The following PAK5 variants were observed in gnomAD, a reference collection of about 807,000 sequenced individuals.
PAK5 encodes the protein p21 (RAC1) activated kinase 5.
In PAK5, 16 loss-of-function variants were observed where a neutral mutation model predicts 65.9. That is an observed-to-expected ratio of 0.24 (90% CI 0.16 to 0.37). The LOEUF is 0.37. PAK5 is among the 10% of genes least tolerant of loss of function. The pLI, the probability that PAK5 is intolerant of heterozygous loss-of-function variation, is 1.00. For synonymous variants in PAK5, 371 were observed against 354.9 expected (o/e 1.05, Z -0.51); for missense variants, 785 against 903.9 (o/e 0.87, Z 1.69).
At chr20:9,706,471 C>CTTTTTTTTTT (rs34420250) in intron 2 of PAK5, among the ~76,000 whole-genome samples, 1 of 125,412 alleles carries the variant, frequency 8.0e-6, no homozygotes, top group Non-Finnish European at 1.7e-5. Context: ...TCTACAAACT[C>CTTTTTTTTTT]TTTTTTTTTT....
intron 4 of PAK5, among the ~76,000 whole-genome samples, chr20:9,567,306 T>C (rs2045699221): frequency 6.6e-6 from 1 of 152,170 alleles, no homozygotes; most frequent in Non-Finnish European, 1.5e-5. Flanking sequence ...CTTAATGCAG[T>C]GCCCCAGAAA....
intron 2 of PAK5, among the ~76,000 whole-genome samples, chr20:9,671,400 C>A (rs1409908430): frequency 6.6e-6 from 1 of 152,078 alleles, no homozygotes; most frequent in East Asian, 1.9e-4. Context: ...TTCTTCCTAC[C>A]CATGAGCATA....
intron 3 of PAK5, among the ~76,000 whole-genome samples, chr20:9,642,116 C>T (rs936068168): frequency 1.3e-5 from 2 of 152,212 alleles, no homozygotes; most frequent in African/African-American, 2.4e-5. Context: ...CGAGAGCAAG[C>T]GAGGGCTCTG....
At chr20:9,708,979 C>A (rs1412202047) in intron 2 of PAK5, among the ~76,000 whole-genome samples, 3 of 152,102 alleles carry the variant, frequency 2.0e-5, no homozygotes, top group Non-Finnish European at 4.4e-5. Flanking sequence ...CTGGCATCAC[C>A]TCTGAATAAA....
intron 7 of PAK5, among the ~76,000 whole-genome samples, chr20:9,546,126 C>G (rs970003): frequency 0.18 from 27,894 of 152,004 alleles, 3,292 homozygotes; most frequent in African/African-American, 0.33. Context: ...GACAAGATTC[C>G]CCCTGCCACA....
intron 1 of PAK5, among the ~76,000 whole-genome samples, chr20:9,780,051 C>T (rs2048926117): frequency 6.6e-6 from 1 of 152,094 alleles, no homozygotes; most frequent in Admixed American, 6.6e-5. Context: ...AAGCTATTGA[C>T]ATCACCAGAC....
chr20:9,689,975 T>A (rs1024899778), intron 2 of PAK5, among the ~76,000 whole-genome samples: 2 of 152,148 alleles, frequency 1.3e-5, no homozygotes, highest in African/African-American at 2.4e-5. Context: ...GATCAGTTCT[T>A]CTTTGAGGAT....
intron 2 of PAK5, among the ~76,000 whole-genome samples, chr20:9,706,796 C>T (rs1203906780): frequency 1.3e-5 from 2 of 151,994 alleles, no homozygotes; most frequent in South Asian, 4.1e-4. Context: ...GTGTCAGTCA[C>T]CAAGCCCAAC....
intron 1 of PAK5, among the ~76,000 whole-genome samples, chr20:9,767,563 T>C (rs1424866013): frequency 2.0e-5 from 3 of 152,226 alleles, no homozygotes; most frequent in Non-Finnish European, 4.4e-5. Flanking sequence ...GTGGCCTCTC[T>C]AGTATCTAAA....
chr20:9,639,860 T>C (rs985385022), intron 3 of PAK5, among the ~76,000 whole-genome samples: 1 of 152,192 alleles, frequency 6.6e-6, no homozygotes. Flanking sequence ...GGTAGAAGGT[T>C]CTGCTAAGTC....
At chr20:9,780,977 C>T (rs1195972691) in intron 1 of PAK5, among the ~76,000 whole-genome samples, 2 of 152,070 alleles carry the variant, frequency 1.3e-5, no homozygotes, top group Non-Finnish European at 2.9e-5. Flanking sequence ...GATTGAATGT[C>T]TCTTTATTTC....
chr20:9,540,579 T>C (rs1201970939), intron 9 of PAK5, among the ~76,000 whole-genome samples: 1 of 152,200 alleles, frequency 6.6e-6, no homozygotes, highest in African/African-American at 2.4e-5. Context: ...GTATTCACTG[T>C]CCAATTATAC....
At chr20:9,753,186 G>A (rs1422567679) in intron 1 of PAK5, among the ~76,000 whole-genome samples, 6 of 152,094 alleles carry the variant, frequency 3.9e-5, no homozygotes, top group Non-Finnish European at 8.8e-5. Context: ...ATAAATGCTT[G>A]TTCTAAATTG....
chr20:9,740,345 G>A (rs1053016871), intron 1 of PAK5, among the ~76,000 whole-genome samples: 11 of 152,112 alleles, frequency 7.2e-5, no homozygotes, highest in African/African-American at 2.4e-4. Flanking sequence ...GATGTGAAAG[G>A]CATTTGTGTG....
At chr20:9,610,988 A>T (rs1420660773) in intron 3 of PAK5, among the ~76,000 whole-genome samples, 1 of 152,360 alleles carries the variant, frequency 6.6e-6, no homozygotes, top group Admixed American at 6.5e-5. Context: ...TCTCGGAAGC[A>T]GACTGTGCCC....
chr20:9,766,734 T>C (rs2048772778), intron 1 of PAK5, among the ~76,000 whole-genome samples: 1 of 151,644 alleles, frequency 6.6e-6, no homozygotes, highest in Non-Finnish European at 1.5e-5. Context: ...GTTAGAAACT[T>C]AAAATCATGC....
intron 8 of PAK5, 36 bp downstream of exon 8, chr20:9,544,333 C>T (rs1349461931): frequency 6.2e-7 from 1 of 1,607,250 alleles, no homozygotes; most frequent in Non-Finnish European, 8.5e-7. Context: ...GAGCCTGTCC[C>T]CAGTCCTGCC....
intron 3 of PAK5, among the ~76,000 whole-genome samples, chr20:9,630,130 A>G (rs1277517545): frequency 6.6e-6 from 1 of 152,136 alleles, no homozygotes; most frequent in East Asian, 1.9e-4. Context: ...AGGAAAGAGG[A>G]AGATTGGGAG....
At chr20:9,648,500 G>A (rs561806572) in intron 2 of PAK5, among the ~76,000 whole-genome samples, 8 of 151,158 alleles carry the variant, frequency 5.3e-5, no homozygotes, top group Non-Finnish European at 1.2e-4. Context: ...AAACAGTTTA[G>A]GCACAGCAAG....
Sources: gnomAD v4.1 joint callset for allele counts (sites outside exome capture counted in the v4.1 genomes callset) on GRCh38, gnomAD v4.1.1 for gene constraint, MANE v1.5 for transcripts, NCBI Gene and HGNC (gene_info 2026-07-23, HGNC 2026-07-21) for gene names.